Variants in LGSN observed in about 807,000 individuals in gnomAD.
LGSN encodes the protein lengsin, lens protein with glutamine synthetase domain, also known as lengsin.
In LGSN, 21 loss-of-function variants were observed where a neutral mutation model predicts 19.5. That is an observed-to-expected ratio of 1.07 (90% CI 0.76 to 1.55). The LOEUF is 1.55. Ranked by LOEUF, LGSN falls within the 40% of genes most tolerant of loss-of-function variation. The pLI, the probability that LGSN is intolerant of heterozygous loss-of-function variation, is 0.00. For synonymous variants in LGSN, 257 were observed against 215.6 expected, an observed-to-expected ratio of 1.19 and a Z score of -1.68; for missense variants, 673 against 608.5, an observed-to-expected ratio of 1.11 and a Z score of -1.12.
the LGSN span, among the ~76,000 whole-genome samples, chr6:63,534,176 T>G: frequency 9.2e-5 from 14 of 152,014 alleles, no homozygotes; most frequent in Non-Finnish European, 1.8e-4. Flanking sequence ...AAACTGCCAT[T>G]CATCACAAAT....
chr6:63,422,315 C>T, the LGSN span, among the ~76,000 whole-genome samples: 3 of 152,112 alleles, frequency 2.0e-5, no homozygotes, highest in Admixed American at 1.3e-4. Flanking sequence ...CTGCCCACCT[C>T]GACCTCCCAA....
intron 1 of LGSN, among the ~76,000 whole-genome samples, chr6:63,310,030 A>G (rs1768559871): frequency 6.6e-6 from 1 of 152,196 alleles, no homozygotes; most frequent in Non-Finnish European, 1.5e-5. Context: ...GCTCTGCATA[A>G]TCCAGGCTCT....
the LGSN span, among the ~76,000 whole-genome samples, chr6:63,454,881 G>A: frequency 1.6e-5 from 2 of 127,368 alleles, no homozygotes; most frequent in African/African-American, 6.1e-5. Flanking sequence ...CAACCTCCAC[G>A]TCCTGAGTTC....
the LGSN span, among the ~76,000 whole-genome samples, chr6:63,536,848 A>G: frequency 6.6e-6 from 1 of 152,110 alleles, no homozygotes; most frequent in Non-Finnish European, 1.5e-5. Context: ...TCTTAGCAGC[A>G]TAGTCTTTTT....
At chr6:63,390,399 G>A in the LGSN span, among the ~76,000 whole-genome samples, 1 of 151,066 alleles carries the variant, frequency 6.6e-6, no homozygotes, top group Non-Finnish European at 1.5e-5. Flanking sequence ...CAAAGTGCTG[G>A]GATTACAGGT....
the LGSN span, chr6:63,548,693 C>A: frequency 1.8e-6 from 1 of 557,842 alleles, no homozygotes; most frequent in East Asian, 3.0e-5. Context: ...GTACAGAAAA[C>A]TCAACAGTGT....
At chr6:63,352,682 G>GACAGAC in the LGSN span, among the ~76,000 whole-genome samples, 1 of 144,986 alleles carries the variant, frequency 6.9e-6, no homozygotes, top group Non-Finnish European at 1.5e-5. Context: ...CACACACACA[G>GACAGAC]ACACACACAC....
chr6:63,487,219 C>T, the LGSN span, among the ~76,000 whole-genome samples: 2 of 152,104 alleles, frequency 1.3e-5, no homozygotes, highest in South Asian at 2.1e-4. Context: ...ATCCATTCTC[C>T]TTGGCCTCCC....
At chr6:63,473,105 A>G in the LGSN span, among the ~76,000 whole-genome samples, 43 of 152,034 alleles carry the variant, frequency 2.8e-4, no homozygotes, top group Non-Finnish European at 5.6e-4. Flanking sequence ...AACTGAGCTC[A>G]AGGAAAAGAA....
intron 2 of LGSN, 29 bp downstream of exon 2, chr6:63,294,884 A>G: frequency 6.2e-7 from 1 of 1,612,642 alleles, no homozygotes; most frequent in Non-Finnish European, 8.5e-7. Flanking sequence ...TGACCACACC[A>G]TTTTTGAGGA....
At chr6:63,564,073 G>A in the LGSN span, among the ~76,000 whole-genome samples, 2 of 152,062 alleles carry the variant, frequency 1.3e-5, no homozygotes, top group Admixed American at 1.3e-4. Context: ...TCAGGAGTTC[G>A]AGACCAGCCT....
chr6:63,367,903 G>C, the LGSN span, among the ~76,000 whole-genome samples: 1 of 151,166 alleles, frequency 6.6e-6, no homozygotes, highest in Admixed American at 6.6e-5. Flanking sequence ...AGAACACTTG[G>C]ACACAGGGTG....
At chr6:63,431,444 T>C in the LGSN span, among the ~76,000 whole-genome samples, 1 of 152,194 alleles carries the variant, frequency 6.6e-6, no homozygotes, top group Non-Finnish European at 1.5e-5. Context: ...TCTACGTGTT[T>C]CCCATTGAAG....
chr6:63,451,421 TG>T, the LGSN span, among the ~76,000 whole-genome samples: 1 of 152,192 alleles, frequency 6.6e-6, no homozygotes, highest in African/African-American at 2.4e-5. Flanking sequence ...TATAAAAGAA[TG>T]AGATCATGTC....
At chr6:63,507,166 C>T in the LGSN span, among the ~76,000 whole-genome samples, 3 of 152,208 alleles carry the variant, frequency 2.0e-5, no homozygotes, top group Non-Finnish European at 2.9e-5. Flanking sequence ...TCACAACTGT[C>T]CCTCCGTCCT....
chr6:63,355,679 T>A, the LGSN span, among the ~76,000 whole-genome samples: 1 of 152,160 alleles, frequency 6.6e-6, no homozygotes, highest in Admixed American at 6.6e-5. Context: ...CAGTACTCTG[T>A]CTTTTTGTTT....
At chr6:63,318,782 G>A (rs903651240) in intron 1 of LGSN, among the ~76,000 whole-genome samples, 1 of 152,180 alleles carries the variant, frequency 6.6e-6, no homozygotes, top group Non-Finnish European at 1.5e-5. Context: ...AGAAAGCAGA[G>A]TTCTGCCATG....
chr6:63,425,068 T>C, the LGSN span, among the ~76,000 whole-genome samples: 1 of 152,138 alleles, frequency 6.6e-6, no homozygotes, highest in Non-Finnish European at 1.5e-5. Context: ...TAAAGCACAA[T>C]GAGATATCAC....
the LGSN span, among the ~76,000 whole-genome samples, chr6:63,364,013 G>A: frequency 6.6e-6 from 1 of 152,122 alleles, no homozygotes; most frequent in Non-Finnish European, 1.5e-5. Flanking sequence ...GGAAGAAACT[G>A]CATCAACTAA....
Sources: allele counts gnomAD v4.1 joint callset (sites outside exome capture counted in the v4.1 genomes callset), GRCh38; gene constraint gnomAD v4.1.1; transcripts MANE v1.5; gene names NCBI Gene and HGNC (gene_info 2026-07-23, HGNC 2026-07-21).